CRPPA: variants seen among roughly 807,000 people sequenced by gnomAD.
CRPPA encodes the protein CDP-L-ribitol pyrophosphorylase A.
A neutral mutation model predicts 52.0 loss-of-function variants in CRPPA; 43 were observed. The ratio of observed to expected loss-of-function variants is 0.83; its 90% CI spans 0.65 to 1.07. CRPPA has a LOEUF of 1.07. Among genes scored for constraint, CRPPA ranks in the 50% least tolerant of loss-of-function variants. The probability of loss-of-function intolerance (pLI) is 0.00; values close to 1 mark genes in which losing one functional copy is unlikely to be tolerated. For synonymous variants in CRPPA, 250 were observed against 203.5 expected, an observed-to-expected ratio of 1.23 and a Z score of -1.94; for missense variants, 629 against 551.7, an observed-to-expected ratio of 1.14 and a Z score of -1.40.
intron 9 of CRPPA, among the ~76,000 whole-genome samples, chr7:16,135,264 T>A (rs1410454472): frequency 6.6e-6 from 1 of 152,202 alleles, no homozygotes. Context: ...TAAGCAAGTA[T>A]AGTGTCAAGC....
intron 8 of CRPPA, among the ~76,000 whole-genome samples, chr7:16,255,285 T>C (rs933669991): frequency 6.6e-6 from 1 of 151,928 alleles, no homozygotes; most frequent in Non-Finnish European, 1.5e-5. Context: ...CTCAAGGAAA[T>C]AAAAGAGGAC....
chr7:16,267,774 G>C lies in CRPPA; in HGVS notation c.934-8762C>G, dbSNP rs553617178. On this transcript the variant is annotated intron_variant, in intron 6 of 9. Coordinates refer to ENST00000407010, the MANE Select transcript of CRPPA (RefSeq NM_001101426.4). ...TGTCTAAATGTACAGTCTGCCTCCA[G>C]AATCTGTTGGTTCCACAGTTAAGGA... Among the ~76,000 whole-genome samples, 4 of 152,182 alleles carry C rather than the reference G, an allele frequency of 2.6e-5. No individual in the cohort carries two copies. The South Asian group carries it at 8.3e-4, about 32-fold the overall frequency.
intron 9 of CRPPA, among the ~76,000 whole-genome samples, chr7:16,117,369 G>T (rs1782396651): frequency 1.3e-5 from 2 of 152,138 alleles, no homozygotes; most frequent in Admixed American, 6.6e-5. Flanking sequence ...GTGGAACTCT[G>T]GGTAGACGAG....
At chr7:16,324,432 G>A (rs1392809377) in intron 3 of CRPPA, among the ~76,000 whole-genome samples, 3 of 152,218 alleles carry the variant, frequency 2.0e-5, no homozygotes, top group African/African-American at 7.2e-5. Flanking sequence ...CCAGTTTGCT[G>A]TTTCTCTAAA....
intron 9 of CRPPA, among the ~76,000 whole-genome samples, chr7:16,135,892 G>A (rs1317656931): frequency 2.0e-5 from 3 of 152,136 alleles, no homozygotes; most frequent in Non-Finnish European, 4.4e-5. Flanking sequence ...TCTGGAGCAT[G>A]AAAATTCTTA....
Position 16,278,165 on chromosome 7 carries a change from AC to A in CRPPA, c.896del (p.Gly299ValfsTer8). ...TTTTCAGCACTTCTTCAAGAAGATG[AC>A]CTACATGTTTGTTATCTTCTTCTGT... Reference protein sequence around the residue: ...MDTEEDNKHVGHLLEEVLKSE... With the variant: ...MDTEEDNKHVXHLLEEVLKSE... On this transcript the variant is annotated frameshift_variant, in exon 6 of 10. Coordinates refer to ENST00000407010, the MANE Select transcript of CRPPA (RefSeq NM_001101426.4). LOFTEE classifies it high-confidence loss of function. 1.3e-6 allele frequency: 2 copies of A among 1,579,902 alleles called. No individual in the cohort carries two copies. The highest frequency in any genetic ancestry group is 1.7e-6 in the Non-Finnish European group (2 of 1,155,058).
chr7:16,312,111 T>A (rs1220376638), intron 3 of CRPPA, among the ~76,000 whole-genome samples: 1 of 152,068 alleles, frequency 6.6e-6, no homozygotes, highest in East Asian at 1.9e-4. Context: ...CTAGGTCTTG[T>A]GCCTCTTCAG....
intron 9 of CRPPA, among the ~76,000 whole-genome samples, chr7:16,171,537 C>T (rs1289632191): frequency 2.0e-5 from 3 of 151,958 alleles, no homozygotes; most frequent in Admixed American, 6.6e-5. Context: ...GAGGCCAAGG[C>T]GGGTGGATCA....
Position 16,116,716 on chromosome 7 carries a change from GAAAC to G in CRPPA, c.1252-24921_1252-24918del, listed in dbSNP as rs796195226. On this transcript the variant is annotated intron_variant, in intron 9 of 9. Coordinates refer to ENST00000407010, the MANE Select transcript of CRPPA (RefSeq NM_001101426.4). ...GGGAAAGGGAAGGGAGAGAGAGAGA[GAAAC>G]AAACAAACAAACATTCCAGAATAAA... Among the ~76,000 whole-genome samples the G allele has an allele frequency of 3.1e-3, 282 of 92,178 alleles. 2 individuals carry two copies. Among genetic ancestry groups the G allele is most frequent in the Middle Eastern group, 0.029 (4 of 136 alleles). The allele number at this position is 92,178 out of a possible 152,430, so 60.5% of individuals were successfully genotyped here.
chr7:16,161,308 T>C (rs886352643), intron 9 of CRPPA, among the ~76,000 whole-genome samples: 8 of 152,236 alleles, frequency 5.3e-5, no homozygotes, highest in African/African-American at 1.7e-4. Flanking sequence ...CAGTATGATA[T>C]TGGCTATGGA....
chr7:16,117,292 T>A (rs1782394510), intron 9 of CRPPA, among the ~76,000 whole-genome samples: 1 of 152,174 alleles, frequency 6.6e-6, no homozygotes, highest in South Asian at 2.1e-4. Flanking sequence ...CCAGGCCAAA[T>A]CTGCAGCATC....
chr7:16,259,112 C>T (rs561291707), intron 6 of CRPPA, 100 bp from the exon 7 acceptor site: 3 of 669,176 alleles, frequency 4.5e-6, no homozygotes, highest in Non-Finnish European at 7.0e-6. Context: ...CCCATAAAGC[C>T]AAGGACCATA....
intron 2 of CRPPA, among the ~76,000 whole-genome samples, chr7:16,394,617 C>T (rs886534166): frequency 6.6e-6 from 1 of 152,106 alleles, no homozygotes; most frequent in African/African-American, 2.4e-5. Context: ...AATGTGTATT[C>T]ATGGGTTCCC....
At chr7:16,119,378 G>GA (rs35959635) in intron 9 of CRPPA, among the ~76,000 whole-genome samples, 14 of 138,840 alleles carry the variant, frequency 1.0e-4, no homozygotes, top group Admixed American at 2.1e-4. Flanking sequence ...CTAAAAATCT[G>GA]AAAAAAAAAT....
At chr7:16,146,017 T>TTACC (rs948925936) in intron 9 of CRPPA, among the ~76,000 whole-genome samples, 7 of 152,110 alleles carry the variant, frequency 4.6e-5, no homozygotes, top group African/African-American at 1.7e-4. Context: ...CCCAGTCACA[T>TTACC]TACCATCAAA....
intron 9 of CRPPA, among the ~76,000 whole-genome samples, chr7:16,167,090 G>A (rs546911889): frequency 3.9e-5 from 6 of 151,926 alleles, no homozygotes; most frequent in South Asian, 4.2e-4. Flanking sequence ...CACCATGCCC[G>A]GCTAATTTTT....
At chr7:16,140,444 T>C (rs1054423664) in intron 9 of CRPPA, among the ~76,000 whole-genome samples, 15 of 152,080 alleles carry the variant, frequency 9.9e-5, no homozygotes, top group African/African-American at 3.6e-4. Flanking sequence ...GGATTACAGG[T>C]GTGACCCACT....
At chr7:16,117,927 A>G (rs1782410534) in intron 9 of CRPPA, among the ~76,000 whole-genome samples, 1 of 152,176 alleles carries the variant, frequency 6.6e-6, no homozygotes, top group Admixed American at 6.5e-5. Context: ...ACTGTCTCCT[A>G]AATGTACCAA....
chr7:16,240,377 T>C (rs1783071508), intron 8 of CRPPA, among the ~76,000 whole-genome samples: 1 of 151,944 alleles, frequency 6.6e-6, no homozygotes, highest in Admixed American at 6.6e-5. Flanking sequence ...TGGAGCAGTG[T>C]ACAACTATGA....
Sources: gnomAD v4.1 joint callset for allele counts (sites outside exome capture counted in the v4.1 genomes callset) on GRCh38, gnomAD v4.1.1 for gene constraint, MANE v1.5 for transcripts, NCBI Gene and HGNC (gene_info 2026-07-23, HGNC 2026-07-21) for gene names.